The following AGAP1 variants were observed in gnomAD, a reference collection of about 807,000 sequenced individuals.
The protein encoded by AGAP1 is arf-GAP with GTPase, ANK repeat and PH domain-containing protein 1.
Under a neutral mutation model 105.3 loss-of-function variants are expected in AGAP1, and 29 were observed. The ratio of observed to expected loss-of-function variants is 0.28; its 90% CI spans 0.21 to 0.38. AGAP1 has a LOEUF of 0.38. Ranked by LOEUF, AGAP1 falls within the 10% of genes least tolerant of loss-of-function variation. The pLI is 1.00. For synonymous variants in AGAP1, 509 were observed against 485.9 expected (o/e 1.05, Z -0.63); for missense variants, 998 against 1,165.1 (o/e 0.86, Z 2.09).
At position 235,642,294 on chromosome 2, in the gene AGAP1, A is replaced by G. The variant is rs571205905; in HGVS notation, c.164-66885A>G. Among the ~76,000 whole-genome samples, 3 of 152,276 alleles carry G rather than the reference A, an allele frequency of 2.0e-5. No homozygotes were observed. In the East Asian group the frequency reaches 5.8e-4, roughly 29 times the overall value. ...GGCATTCAGTGGGGGAGGATTTACAAAGAAACTTGAGGTGAGGGGCCCTCT... is the reference window on the plus strand; with the variant it reads ...GGCATTCAGTGGGGGAGGATTTACAGAGAAACTTGAGGTGAGGGGCCCTCT... On this transcript the variant is annotated intron_variant, in intron 1 of 17. Coordinates refer to ENST00000304032, the MANE Select transcript of AGAP1 (RefSeq NM_001037131.3). The surrounding 1 kb of genome is among the most constrained non-coding windows in gnomAD (Gnocchi z 4.1).
chr2:235,700,102 A>G lies in AGAP1; in HGVS notation c.164-9077A>G, dbSNP rs573816482. ...GAAGATGCTTGCAACAAAACTTGTT[A>G]TCACCTTGGTTTATAACAGTGAGAT... On this transcript the variant is annotated intron_variant, in intron 1 of 17. Transcript: ENST00000304032. The surrounding 1 kb of genome is among the most constrained non-coding windows in gnomAD (Gnocchi z 6.1). Among the ~76,000 whole-genome samples the G allele has an allele frequency of 1.4e-4, 22 of 152,354 alleles. No homozygotes were observed. The highest frequency in any genetic ancestry group is 5.3e-4 in the African/African-American group (22 of 41,584).
At chr2:235,807,123 CAT>C in intron 8 of AGAP1, 114 bp from the exon 9 acceptor site, 1 of 997,840 alleles carries the variant, frequency 1.0e-6, no homozygotes, top group Non-Finnish European at 1.5e-6. Flanking sequence ...TGTGCGCACA[CAT>C]AGATCGCGCA....
chr2:236,034,674 G>A (rs896000564), intron 13 of AGAP1, among the ~76,000 whole-genome samples: 4 of 152,144 alleles, frequency 2.6e-5, no homozygotes, highest in South Asian at 2.1e-4. Context: ...AGCCCGTATC[G>A]GTCCCTTTCA....
intron 6 of AGAP1, among the ~76,000 whole-genome samples, chr2:235,790,557 C>T (rs748907948): frequency 5.9e-5 from 9 of 152,142 alleles, no homozygotes; most frequent in Non-Finnish European, 1.3e-4. Flanking sequence ...GCATAGATCT[C>T]TTCACTTCTC....
Position 235,981,043 on chromosome 2 carries a change from A to G in AGAP1, c.1645+12420A>G, listed in dbSNP as rs1473098325. Among the ~76,000 whole-genome samples, 1 of 152,172 alleles carries G rather than the reference A, an allele frequency of 6.6e-6. No homozygotes were observed. The highest frequency in any genetic ancestry group is 1.9e-4 in the East Asian group (1 of 5,190). On this transcript the variant is annotated intron_variant, in intron 13 of 17. Transcript: ENST00000304032. This position sits in a 1 kb window ranked among gnomAD's most constrained non-coding sequence, Gnocchi z 5.5. ...TACGGATTGTCTTAGAATGATTAGG[A>G]AAACTTCTAAGGTGTTTTATTTTTT...
Position 235,927,881 on chromosome 2 carries a change from T to C in AGAP1, c.1325-2884T>C, listed in dbSNP as rs901545085. Among the ~76,000 whole-genome samples the C allele has an allele frequency of 2.6e-5, 4 of 152,240 alleles. No individual in the cohort carries two copies. Among genetic ancestry groups the C allele is most frequent in the Admixed American group, 1.3e-4 (2 of 15,290 alleles). The stretch of plus-strand genomic sequence containing the variant: ...ACACAGTGAAATTCCTTTTTGTTTT[T>C]CAGGTATTTGGACCTTGTGTGCCTA... On this transcript the variant is annotated intron_variant, in intron 11 of 17. Transcript: ENST00000304032. This position sits in a 1 kb window ranked among gnomAD's most constrained non-coding sequence, Gnocchi z 4.4.
intron 1 of AGAP1, among the ~76,000 whole-genome samples, chr2:235,528,351 C>A (rs1480091866): frequency 1.4e-5 from 2 of 146,556 alleles, no homozygotes; most frequent in East Asian, 2.1e-4. Context: ...CTCAGGCCCC[C>A]TCCCCCTCCC....
At chr2:235,646,967 C>T (rs979639842) in intron 1 of AGAP1, among the ~76,000 whole-genome samples, 2 of 151,966 alleles carry the variant, frequency 1.3e-5, no homozygotes, top group African/African-American at 2.4e-5. Flanking sequence ...AACCCCGTCT[C>T]CACTAAAAAA....
chr2:235,888,092 G>A lies in AGAP1; in HGVS notation c.1155+4643G>A, dbSNP rs1366568367. 6.6e-5 allele frequency among the ~76,000 whole-genome samples: 10 copies of A among 152,148 alleles called. No individual in the cohort carries two copies. Among genetic ancestry groups the A allele is most frequent in the Non-Finnish European group, 1.3e-4 (9 of 68,028 alleles). Reference sequence around the variant, plus strand: ...CAGCCTCCTTCCATTTGCTTATCATGTTAAATTCAGGGAGCTGGGGAGAGG... The same window carrying A: ...CAGCCTCCTTCCATTTGCTTATCATATTAAATTCAGGGAGCTGGGGAGAGG... On this transcript the variant is annotated intron_variant, in intron 10 of 17. Coordinates refer to ENST00000304032, the MANE Select transcript of AGAP1 (RefSeq NM_001037131.3). This position sits in a 1 kb window ranked among gnomAD's most constrained non-coding sequence, Gnocchi z 4.8.
intron 13 of AGAP1, among the ~76,000 whole-genome samples, chr2:236,025,685 AG>A (rs1458583003): frequency 2.0e-5 from 3 of 152,206 alleles, no homozygotes; most frequent in Non-Finnish European, 4.4e-5. Flanking sequence ...CCACCAGGAT[AG>A]ATCTTCTCTA....
chr2:235,711,614 C>T (rs1043665120), intron 2 of AGAP1, among the ~76,000 whole-genome samples: 7 of 152,150 alleles, frequency 4.6e-5, no homozygotes, highest in Middle Eastern at 3.2e-3. Context: ...TGTGGATGGA[C>T]GAGATCCTGG....
intron 5 of AGAP1, among the ~76,000 whole-genome samples, chr2:235,746,377 C>CTTTTTTT (rs1172393048): frequency 0.021 from 1,184 of 55,540 alleles, 250 homozygotes; most frequent in African/African-American, 0.036. Context: ...CCTCCCCCAA[C>CTTTTTTT]TTTTTTTTTT....
rs528046221 is a variant in AGAP1 at position 236,036,070 on chromosome 2, G to A, written c.1646-491G>A. On this transcript the variant is annotated intron_variant, in intron 13 of 17. Transcript: ENST00000304032. The surrounding 1 kb of genome is among the most constrained non-coding windows in gnomAD (Gnocchi z 5.7). ...CCTGTCTGAAAACGTGGGAATTGATGCCTCTCCCACGGTAACAGGTCCTCT... is the reference window on the plus strand; with the variant it reads ...CCTGTCTGAAAACGTGGGAATTGATACCTCTCCCACGGTAACAGGTCCTCT... Among the ~76,000 whole-genome samples the A allele has an allele frequency of 2.0e-5, 3 of 152,234 alleles. No individual in the cohort carries two copies. Among genetic ancestry groups the A allele is most frequent in the South Asian group, 4.1e-4 (2 of 4,822 alleles).
rs1009943491 is a variant in AGAP1, at chr2:235,753,599, A to C, written c.673+3111A>C. ...CAGGCACCTGTAATCCCAGCTACTC[A>C]GGAAGCCAAGGCAGGAGAATCGCTT... On this transcript the variant is annotated intron_variant, in intron 6 of 17. Coordinates refer to ENST00000304032, the MANE Select transcript of AGAP1 (RefSeq NM_001037131.3). This position sits in a 1 kb window ranked among gnomAD's most constrained non-coding sequence, Gnocchi z 4.5. Among the ~76,000 whole-genome samples the C allele has an allele frequency of 6.6e-6, 1 of 152,020 alleles. No individual in the cohort carries two copies. Among genetic ancestry groups the C allele is most frequent in the Non-Finnish European group, 1.5e-5 (1 of 67,990 alleles).
chr2:236,116,780 C>T (rs2059782102), intron 16 of AGAP1, among the ~76,000 whole-genome samples: 2 of 151,124 alleles, frequency 1.3e-5, no homozygotes, highest in South Asian at 2.1e-4. Context: ...CCCCAAAGTC[C>T]GTTGTATCAT....
chr2:236,040,008 G>T lies in AGAP1; in HGVS notation c.1801-743G>T, dbSNP rs1297315669. 2.0e-5 allele frequency among the ~76,000 whole-genome samples: 3 copies of T among 152,032 alleles called. No homozygotes were observed. Among genetic ancestry groups the T allele is most frequent in the Non-Finnish European group, 4.4e-5 (3 of 68,016 alleles). ...CACCTGTAATCTCAACACTATAGGA[G>T]GCTAAGGCAGGAGGATCACTTGAGC... On this transcript the variant is annotated intron_variant, in intron 14 of 17. Coordinates refer to ENST00000304032, the MANE Select transcript of AGAP1 (RefSeq NM_001037131.3). The surrounding 1 kb of genome is among the most constrained non-coding windows in gnomAD (Gnocchi z 5.6).
intron 16 of AGAP1, among the ~76,000 whole-genome samples, chr2:236,106,857 A>G (rs2059509841): frequency 6.6e-6 from 1 of 152,118 alleles, no homozygotes; most frequent in African/African-American, 2.4e-5. Flanking sequence ...TCCTTACCCA[A>G]CTGCATATCA....
chr2:235,592,224 C>T (rs1033068813), intron 1 of AGAP1, among the ~76,000 whole-genome samples: 1 of 152,220 alleles, frequency 6.6e-6, no homozygotes, highest in Non-Finnish European at 1.5e-5. Flanking sequence ...GGAGGCTCCT[C>T]CTCCACTGCC....
chr2:236,107,940 G>A (rs1576323272), intron 16 of AGAP1, among the ~76,000 whole-genome samples: 1 of 152,330 alleles, frequency 6.6e-6, no homozygotes, highest in South Asian at 2.1e-4. Flanking sequence ...ACACCCTGCA[G>A]GTTGGCAAAA....
Sources: allele counts gnomAD v4.1 joint callset (sites outside exome capture counted in the v4.1 genomes callset), GRCh38; gene constraint gnomAD v4.1.1; non-coding constraint Gnocchi (gnomAD v3.1); transcripts MANE v1.5; gene names NCBI Gene and HGNC (gene_info 2026-07-23, HGNC 2026-07-21).